CNTN5: variants seen among roughly 807,000 people sequenced by gnomAD.
CNTN5 encodes contactin 5.
Under a neutral mutation model 129.1 loss-of-function variants are expected in CNTN5, and 77 were observed. That is an observed-to-expected ratio of 0.60 (90% confidence interval 0.50 to 0.72). CNTN5 has a LOEUF of 0.72. Among genes scored for constraint, CNTN5 ranks in the 30% least tolerant of loss-of-function variants. CNTN5 has a pLI of 0.00. For synonymous variants in CNTN5, 509 were observed against 465.6 expected, an observed-to-expected ratio of 1.09 and a Z score of -1.20; for missense variants, 1,478 against 1,328.8, an observed-to-expected ratio of 1.11 and a Z score of -1.75.
chr11:99,748,088 A>G (rs891650485), intron 3 of CNTN5, among the ~76,000 whole-genome samples: 6 of 151,970 alleles, frequency 3.9e-5, no homozygotes, highest in Middle Eastern at 3.2e-3. Context: ...TTATCCTTTT[A>G]ATGTGCTGCT....
At chr11:99,390,629 T>A (rs564219430) in intron 2 of CNTN5, among the ~76,000 whole-genome samples, 1 of 152,276 alleles carries the variant, frequency 6.6e-6, no homozygotes, top group South Asian at 2.1e-4. Context: ...AATTAAAGAA[T>A]AGTTTGTACA....
intron 3 of CNTN5, among the ~76,000 whole-genome samples, chr11:99,790,010 T>A (rs1015297354): frequency 1.3e-5 from 2 of 150,902 alleles, no homozygotes; most frequent in African/African-American, 4.9e-5. Context: ...CTCCCACTTA[T>A]AAGTAAGAAA....
chr11:99,971,195 T>C (rs553359712), intron 8 of CNTN5, among the ~76,000 whole-genome samples: 4 of 152,270 alleles, frequency 2.6e-5, no homozygotes, highest in African/African-American at 4.8e-5. Flanking sequence ...CACTACCCAG[T>C]AGAGCTCAGT....
At chr11:100,075,914 A>G (rs563872785) in intron 13 of CNTN5, among the ~76,000 whole-genome samples, 119 of 152,228 alleles carry the variant, frequency 7.8e-4, no homozygotes, top group Non-Finnish European at 1.4e-3. Context: ...CTTCAGGTCA[A>G]GGTACTCTGT....
intron 1 of CNTN5, among the ~76,000 whole-genome samples, chr11:99,263,653 G>A (rs1862748500): frequency 6.6e-6 from 1 of 152,074 alleles, no homozygotes; most frequent in Non-Finnish European, 1.5e-5. Flanking sequence ...TTCTTGCCCT[G>A]TCACCCAGAT....
At position 99,645,500 on chromosome 11, in the gene CNTN5, G is replaced by A. The variant is rs1414754248; in HGVS notation, c.55+89231G>A. On this transcript the variant is annotated intron_variant, in intron 3 of 24. Transcript: ENST00000524871. Reference sequence around the variant, plus strand: ...TTCTACTATAAAGACATATGTACACGTATGTTTATTGGAGCACTGTTCACA... The same window carrying A: ...TTCTACTATAAAGACATATGTACACATATGTTTATTGGAGCACTGTTCACA... 4.6e-5 allele frequency among the ~76,000 whole-genome samples: 7 copies of A among 151,598 alleles called. No homozygotes were observed. The East Asian group carries it at 5.8e-4, about 13-fold the overall frequency.
intron 3 of CNTN5, among the ~76,000 whole-genome samples, chr11:99,707,815 T>A (rs1954817271): frequency 6.6e-6 from 1 of 151,640 alleles, no homozygotes; most frequent in Non-Finnish European, 1.5e-5. Flanking sequence ...ACCTGAAATA[T>A]GCTCTATTAT....
intron 15 of CNTN5, among the ~76,000 whole-genome samples, chr11:100,217,186 TTA>T (rs1362684130): frequency 2.0e-5 from 3 of 152,218 alleles, no homozygotes; most frequent in Non-Finnish European, 2.9e-5. Flanking sequence ...AAGCCATAAT[TTA>T]TCTTTTCTCT....
intron 1 of CNTN5, among the ~76,000 whole-genome samples, chr11:99,126,286 A>T (rs1038047604): frequency 1.3e-5 from 2 of 152,138 alleles, no homozygotes; most frequent in Non-Finnish European, 2.9e-5. Flanking sequence ...TAGAACTTGA[A>T]ATGTTAATAT....
At chr11:99,583,011 G>A (rs886713188) in intron 3 of CNTN5, among the ~76,000 whole-genome samples, 3 of 152,134 alleles carry the variant, frequency 2.0e-5, no homozygotes, top group South Asian at 2.1e-4. Context: ...TGGTGTGGAT[G>A]TCCTCTCTGT....
chr11:99,492,067 G>A (rs1401970194), intron 2 of CNTN5, among the ~76,000 whole-genome samples: 1 of 152,164 alleles, frequency 6.6e-6, no homozygotes, highest in African/African-American at 2.4e-5. Flanking sequence ...ACCAAGCAGT[G>A]CAGTAGATAC....
At chr11:99,877,278 C>T (rs375219058) in intron 6 of CNTN5, among the ~76,000 whole-genome samples, 21 of 152,192 alleles carry the variant, frequency 1.4e-4, no homozygotes, top group East Asian at 7.7e-4. Flanking sequence ...TTAAATACAC[C>T]GGCAGACAGA....
At chr11:100,250,681 C>G (rs943930436) in intron 16 of CNTN5, among the ~76,000 whole-genome samples, 10 of 152,050 alleles carry the variant, frequency 6.6e-5, no homozygotes, top group African/African-American at 2.4e-4. Context: ...CATATTTGGG[C>G]AAATAGACAA....
chr11:100,171,492 A>G (rs944800945), intron 13 of CNTN5, among the ~76,000 whole-genome samples: 3 of 152,176 alleles, frequency 2.0e-5, no homozygotes, highest in East Asian at 3.9e-4. Flanking sequence ...GTCAGGCTTC[A>G]TGTCCAAGTT....
chr11:100,046,842 G>A (rs370526936), intron 9 of CNTN5, among the ~76,000 whole-genome samples: 1 of 152,098 alleles, frequency 6.6e-6, no homozygotes, highest in East Asian at 1.9e-4. Context: ...GGCATTGCAG[G>A]AATGTGATCC....
chr11:99,922,471 G>A (rs879474716), intron 7 of CNTN5, among the ~76,000 whole-genome samples: 14 of 152,156 alleles, frequency 9.2e-5, no homozygotes, highest in Non-Finnish European at 1.6e-4. Flanking sequence ...CTTTGTTTGG[G>A]TGGAATGAGA....
At chr11:99,119,400 C>T (rs1858197603) in intron 1 of CNTN5, among the ~76,000 whole-genome samples, 1 of 152,128 alleles carries the variant, frequency 6.6e-6, no homozygotes, top group Non-Finnish European at 1.5e-5. Flanking sequence ...TTTTGGTTTT[C>T]TGTTGCTGTG....
chr11:100,099,943 T>G lies in CNTN5; in HGVS notation c.1580+25649T>G, dbSNP rs12281704. On this transcript the variant is annotated intron_variant, in intron 13 of 24. Coordinates refer to ENST00000524871, the MANE Select transcript of CNTN5 (RefSeq NM_014361.4). ...TCATTGTTTCTGTTGCATAAATGAG[T>G]GAACAGACTGTTTAGTGACAGCCTA... Among the ~76,000 whole-genome samples the G allele has an allele frequency of 2.3e-3, 351 of 152,248 alleles. 2 individuals carry two copies. Among genetic ancestry groups the G allele is most frequent in the African/African-American group, 8.1e-3 (338 of 41,576 alleles).
rs1028192239 is a variant in CNTN5, at chr11:99,497,343, T to C, written c.-70-58802T>C. ...TCTTGATAAAACTAGTCAGAAGCCA[T>C]TTGTGAGAACAGACAAGGGAACACT... On this transcript the variant is annotated intron_variant, in intron 2 of 24. Coordinates refer to ENST00000524871, the MANE Select transcript of CNTN5 (RefSeq NM_014361.4). 5.3e-5 allele frequency among the ~76,000 whole-genome samples: 8 copies of C among 152,274 alleles called. No individual in the cohort carries two copies. In the South Asian group the frequency reaches 1.7e-3, roughly 32 times the overall value.
Sources: allele counts gnomAD v4.1 joint callset (sites outside exome capture counted in the v4.1 genomes callset), GRCh38; gene constraint gnomAD v4.1.1; transcripts MANE v1.5; gene names NCBI Gene and HGNC (gene_info 2026-07-23, HGNC 2026-07-21).